The following GDAP1 variants were observed in gnomAD, a reference collection of about 807,000 sequenced individuals.
GDAP1 encodes the protein ganglioside induced differentiation associated protein 1.
Under a neutral mutation model 40.1 loss-of-function variants are expected in GDAP1, and 34 were observed. That is an observed-to-expected ratio of 0.85 (90% CI 0.64 to 1.13). GDAP1 has a LOEUF of 1.13. Ranked by LOEUF, GDAP1 falls within the 50% of genes most tolerant of loss-of-function variation. The pLI, the probability that GDAP1 is intolerant of heterozygous loss-of-function variation, is 0.00. For missense variants in GDAP1, 374 were observed against 433.7 expected (o/e 0.86, Z 1.22); for synonymous variants, 170 against 157.4 (o/e 1.08, Z -0.60).
intron 2 of GDAP1, among the ~76,000 whole-genome samples, chr8:74,373,071 A>G (rs1197271763): frequency 1.3e-5 from 2 of 152,138 alleles, no homozygotes; most frequent in Non-Finnish European, 2.9e-5. Flanking sequence ...ATGGTTGTAG[A>G]TGTATGGTAC....
At chr8:74,425,448 T>G (rs1805935586) in intron 2 of GDAP1, among the ~76,000 whole-genome samples, 1 of 152,118 alleles carries the variant, frequency 6.6e-6, no homozygotes, top group Admixed American at 6.5e-5. Context: ...AACCAGACAT[T>G]AAAAGGTTAA....
At chr8:74,433,073 G>A (rs1358473378) in intron 2 of GDAP1, among the ~76,000 whole-genome samples, 2 of 152,048 alleles carry the variant, frequency 1.3e-5, no homozygotes, top group Non-Finnish European at 2.9e-5. Flanking sequence ...TGTCCCATTT[G>A]TCTGCAAGGC....
At chr8:74,446,872 A>G (rs1235687224) in intron 2 of GDAP1, among the ~76,000 whole-genome samples, 1 of 152,150 alleles carries the variant, frequency 6.6e-6, no homozygotes, top group East Asian at 1.9e-4. Context: ...TCATAGAGAC[A>G]GAAAGTAGAT....
chr8:74,400,970 C>G (rs1302634193), intron 2 of GDAP1, among the ~76,000 whole-genome samples: 2 of 149,880 alleles, frequency 1.3e-5, no homozygotes, highest in Non-Finnish European at 2.9e-5. Context: ...ACCTTTCTCT[C>G]TTGCTGCCCT....
chr8:74,428,706 T>C (rs1389613904), intron 2 of GDAP1, among the ~76,000 whole-genome samples: 1 of 141,654 alleles, frequency 7.1e-6, no homozygotes, highest in Non-Finnish European at 1.5e-5. Context: ...GGGTTTGAAC[T>C]CCTGACCTCA....
chr8:74,471,687 T>C (rs1352948749), intron 2 of GDAP1, among the ~76,000 whole-genome samples: 2 of 152,156 alleles, frequency 1.3e-5, no homozygotes, highest in Non-Finnish European at 2.9e-5. Context: ...TCCATCCCCA[T>C]CCCCAGATAA....
chr8:74,438,718 A>G (rs955886805), intron 2 of GDAP1, among the ~76,000 whole-genome samples: 2 of 152,076 alleles, frequency 1.3e-5, no homozygotes, highest in Non-Finnish European at 2.9e-5. Flanking sequence ...CTTCCACCTC[A>G]GCCTCCCAAG....
intron 2 of GDAP1, among the ~76,000 whole-genome samples, chr8:74,416,845 G>A (rs1421049143): frequency 6.7e-6 from 1 of 149,740 alleles, no homozygotes; most frequent in African/African-American, 2.6e-5. Context: ...AGCACCCTGT[G>A]GAACAAAAGA....
intron 2 of GDAP1, among the ~76,000 whole-genome samples, chr8:74,440,604 CTT>C (rs55740070): frequency 1.9e-3 from 278 of 143,594 alleles, no homozygotes; most frequent in Middle Eastern, 3.5e-3. Flanking sequence ...CTTTAGAAGT[CTT>C]TTTTTTTTTT....
intron 2 of GDAP1, among the ~76,000 whole-genome samples, chr8:74,459,823 A>G (rs561832803): frequency 2.0e-5 from 3 of 152,320 alleles, no homozygotes; most frequent in African/African-American, 7.2e-5. Flanking sequence ...AATGTACAAA[A>G]TTAATTTGAA....
rs1563475984 is a variant in GDAP1 at position 74,462,790 on chromosome 8, G to A, written c.166-25888G>A. 2.6e-5 allele frequency among the ~76,000 whole-genome samples: 4 copies of A among 152,016 alleles called. No individual in the cohort carries two copies. The South Asian group carries it at 6.2e-4, about 24-fold the overall frequency. ...CCTAGAATTTTTTTTATACTTGAATGATTTCAAAAGATATGCCAGCATTTA... is the reference window on the plus strand; with the variant it reads ...CCTAGAATTTTTTTTATACTTGAATAATTTCAAAAGATATGCCAGCATTTA... On this transcript the variant is annotated intron_variant, in intron 2 of 2. Coordinates refer to the GDAP1 transcript ENST00000523640.
At chr8:74,398,996 T>G (rs1157555167) in intron 2 of GDAP1, among the ~76,000 whole-genome samples, 1 of 152,134 alleles carries the variant, frequency 6.6e-6, no homozygotes, top group Non-Finnish European at 1.5e-5. Flanking sequence ...TCAAGGATAT[T>G]GATCTAAAAT....
intron 2 of GDAP1, among the ~76,000 whole-genome samples, chr8:74,355,336 G>A (rs1809046354): frequency 6.6e-6 from 1 of 152,166 alleles, no homozygotes; most frequent in Admixed American, 6.5e-5. Context: ...CTTCAGAGAT[G>A]TTTTAAAGAT....
At chr8:74,455,495 G>A (rs953948107) in intron 2 of GDAP1, among the ~76,000 whole-genome samples, 5 of 151,868 alleles carry the variant, frequency 3.3e-5, no homozygotes, top group Non-Finnish European at 5.9e-5. Context: ...TCTACAAAAT[G>A]TACTATATAA....
chr8:74,371,526 A>G (rs1047035204), downstream of GDAP1, among the ~76,000 whole-genome samples: 1 of 151,764 alleles, frequency 6.6e-6, no homozygotes, highest in Admixed American at 6.6e-5. Context: ...CGGGCGTGGT[A>G]GCGGGCGCCT....
intron 2 of GDAP1, among the ~76,000 whole-genome samples, chr8:74,469,853 A>G (rs1359124849): frequency 1.3e-5 from 2 of 151,632 alleles, no homozygotes; most frequent in African/African-American, 4.9e-5. Flanking sequence ...GCATGCCTGT[A>G]ATCCCAGCTA....
chr8:74,442,748 G>A (rs1415249691), intron 2 of GDAP1, among the ~76,000 whole-genome samples: 1 of 152,130 alleles, frequency 6.6e-6, no homozygotes, highest in Non-Finnish European at 1.5e-5. Flanking sequence ...TAAAGAAAGG[G>A]CCCAATGCTA....
At chr8:74,376,560 A>C (rs1489756117) in intron 2 of GDAP1, 1 of 152,192 alleles carries the variant, frequency 6.6e-6, no homozygotes, top group Admixed American at 6.5e-5. Flanking sequence ...TGTGTTAGCT[A>C]GGGTGGTCTC....
intron 2 of GDAP1, among the ~76,000 whole-genome samples, chr8:74,419,117 C>T (rs865785217): frequency 9.9e-5 from 15 of 152,126 alleles, no homozygotes; most frequent in Non-Finnish European, 7.4e-5. Context: ...AAACATTCTT[C>T]GGCAGTTTCT....
Sources: allele counts gnomAD v4.1 joint callset (sites outside exome capture counted in the v4.1 genomes callset), GRCh38; gene constraint gnomAD v4.1.1; transcripts MANE v1.5; gene names NCBI Gene and HGNC (gene_info 2026-07-23, HGNC 2026-07-21).